LRP2: variants seen among roughly 807,000 people sequenced by gnomAD.
LRP2 encodes the protein low-density lipoprotein receptor-related protein 2.
A neutral mutation model predicts 531.0 loss-of-function variants in LRP2; 172 were observed. The observed-to-expected ratio is 0.32, with a 90% confidence interval of 0.29 to 0.37. The LOEUF (loss-of-function observed/expected upper bound fraction) is 0.37, where lower values mean the gene tolerates loss of function less well. LRP2 is among the 10% of genes least tolerant of loss of function. LRP2 has a pLI of 1.00. For missense variants in LRP2, 5,167 were observed against 5,868.3 expected, an observed-to-expected ratio of 0.88 and a Z score of 3.90; for synonymous variants, 1,992 against 2,027.6, an observed-to-expected ratio of 0.98 and a Z score of 0.47.
rs149675661 is a variant in LRP2 at position 169,204,266 on chromosome 2, C to T, written c.7721G>A (p.Arg2574Lys). ...LLYWVDASLQRIERSTLTGVD... is the reference protein window; with the variant it reads ...LLYWVDASLQKIERSTLTGVD... ...GCCCGTCAGAGTGCTGCGTTCAATCCTCTGCCTAAAATGAAGCAAAAAAAA... is the reference window on the plus strand; with the variant it reads ...GCCCGTCAGAGTGCTGCGTTCAATCTTCTGCCTAAAATGAAGCAAAAAAAA... Residue 2574 changes from arginine (R) to lysine (K), a missense_variant, in exon 42 of 79, where the codon AGG (arginine) becomes AAG (lysine). Physicochemically the swap from Arg to Lys is conservative, Grantham distance 26. Transcript: ENST00000649046. The T allele has an allele frequency of 6.2e-7, 1 of 1,612,518 alleles. No homozygotes were observed. The highest frequency in any genetic ancestry group is 8.5e-7 in the Non-Finnish European group (1 of 1,179,978).
chr2:169,129,095 AG>A lies in LRP2; in HGVS notation c.13729-12del, dbSNP rs1182211218. ...ATTCCATTTTGTCACCTAAATGAAA[AG>A]GGGAAAACAAAAACCTCTCAGTAAT... On this transcript the variant is annotated splice_polypyrimidine_tract_variant and intron_variant, in intron 77 of 78. Coordinates refer to ENST00000649046, the MANE Select transcript of LRP2 (RefSeq NM_004525.3). 5 of 1,568,188 alleles carry A rather than the reference AG, an allele frequency of 3.2e-6. No homozygotes were observed. The African/African-American group carries it at 6.8e-5, about 21-fold the overall frequency.
intron 52 of LRP2, among the ~76,000 whole-genome samples, chr2:169,180,681 A>T (rs570793553): frequency 6.6e-6 from 1 of 152,206 alleles, no homozygotes; most frequent in Non-Finnish European, 1.5e-5. Flanking sequence ...AAAATAAAAT[A>T]AAAAAATTTG....
At chr2:169,223,985 G>T (rs1316677788) in intron 33 of LRP2, among the ~76,000 whole-genome samples, 1 of 152,074 alleles carries the variant, frequency 6.6e-6, no homozygotes, top group East Asian at 1.9e-4. Context: ...TCTTCATTTG[G>T]CAGAAATAAA....
At chr2:169,261,104 A>C (rs1292905488) in intron 16 of LRP2, among the ~76,000 whole-genome samples, 2 of 152,188 alleles carry the variant, frequency 1.3e-5, no homozygotes, top group East Asian at 3.9e-4. Flanking sequence ...AGGAAAGTGC[A>C]AAACAACCTT....
At chr2:169,346,605 G>A (rs1002540425) in intron 1 of LRP2, among the ~76,000 whole-genome samples, 1 of 152,196 alleles carries the variant, frequency 6.6e-6, no homozygotes, top group East Asian at 1.9e-4. Flanking sequence ...TCAGGAGGCT[G>A]AGGCAGGAGG....
rs1685605726 is a variant in LRP2, at chr2:169,138,681, C to T, written c.13414G>A (p.Glu4472Lys). ...CTGAAGGTCACCCCATTCCCATTTTCAGAGGGCTTGACGAGACTGCTTAAG... is the reference window on the plus strand; with the variant it reads ...CTGAAGGTCACCCCATTCCCATTTTTAGAGGGCTTGACGAGACTGCTTAAG... ...PSLSSLVKPS[E>K]NGNGVTFRSG... Residue 4472 changes from glutamate to lysine, a missense_variant, in exon 75 of 79, where the codon GAA becomes AAA. By Grantham distance (56) the Glu-to-Lys change is moderately conservative. This residue lies in a region of LRP2 where 348 missense variants were observed against 369.3 expected (regional missense o/e 0.94). Transcript: ENST00000649046. The T allele has an allele frequency of 6.2e-7, 1 of 1,614,046 alleles. No homozygotes were observed. The highest frequency in any genetic ancestry group is 8.5e-7 in the Non-Finnish European group (1 of 1,179,936).
At position 169,327,671 on chromosome 2, in the gene LRP2, C is replaced by CT. The variant is rs1419684275; in HGVS notation, c.80-6788_80-6787insA. 6.6e-5 allele frequency among the ~76,000 whole-genome samples: 7 copies of CT among 106,596 alleles called. 2 individuals carry two copies. Among genetic ancestry groups the CT allele is most frequent in the African/African-American group, 2.7e-4 (7 of 25,842 alleles). 69.9% of individuals were successfully genotyped at this position (106,596 alleles called of 152,430 possible). A position where few individuals can be genotyped will look rare whatever the true frequency, so the allele number is the denominator to read the frequency against. ...CCGGGAGGGAGGTGGGGGGCTCAGC[C>CT]CCCTCCCGGCCAGCCGACCCATCCG... is the stretch of plus-strand genomic sequence containing the variant. On this transcript the variant is annotated intron_variant, in intron 1 of 78. Coordinates refer to ENST00000649046, the MANE Select transcript of LRP2 (RefSeq NM_004525.3).
At position 169,128,416 on chromosome 2, in the gene LRP2, T is replaced by C. The variant is rs1375374013; in HGVS notation, c.*247A>G. 8.0e-6 allele frequency: 3 copies of C among 376,624 alleles called. No homozygotes were observed. Among genetic ancestry groups the C allele is most frequent in the Non-Finnish European group, 1.5e-5 (3 of 205,418 alleles). 23.3% of individuals were successfully genotyped at this position (376,624 alleles called of 1,614,324 possible). A position where few individuals can be genotyped will look rare whatever the true frequency, so the allele number is the denominator to read the frequency against. ...CTTTCCAAAATTTACAAATATACAATATATTTATAGTATTACCTTCAGACA... is the reference window on the plus strand; with the variant it reads ...CTTTCCAAAATTTACAAATATACAACATATTTATAGTATTACCTTCAGACA... On this transcript the variant is annotated 3_prime_UTR_variant, in exon 79 of 79. Transcript: ENST00000649046.
At chr2:169,129,356 C>CA (rs1685203822) in intron 77 of LRP2, among the ~76,000 whole-genome samples, 1 of 152,152 alleles carries the variant, frequency 6.6e-6, no homozygotes, top group Non-Finnish European at 1.5e-5. Context: ...ATAGTATCTA[C>CA]AAGCAAATCA....
Position 169,291,015 on chromosome 2 carries a change from G to A in LRP2, c.770-18C>T, listed in dbSNP as rs1683985638. On this transcript the variant is annotated intron_variant, in intron 7 of 78. Coordinates refer to ENST00000649046, the MANE Select transcript of LRP2 (RefSeq NM_004525.3). ...ACCGCTTTCTGTGGGGGGAAAAAGAGAGAGTTACAGGCCATAGGGGAGGTA... is the reference window on the plus strand; with the variant it reads ...ACCGCTTTCTGTGGGGGGAAAAAGAAAGAGTTACAGGCCATAGGGGAGGTA... 2 of 1,613,496 alleles carry A rather than the reference G, an allele frequency of 1.2e-6. No homozygotes were observed. The highest frequency in any genetic ancestry group is 1.7e-6 in the Non-Finnish European group (2 of 1,179,540).
At chr2:169,286,746 A>G (rs1683869693) in intron 9 of LRP2, among the ~76,000 whole-genome samples, 1 of 152,206 alleles carries the variant, frequency 6.6e-6, no homozygotes, top group South Asian at 2.1e-4. Flanking sequence ...ATTCTGAAAG[A>G]ACAAATCACT....
intron 3 of LRP2, among the ~76,000 whole-genome samples, chr2:169,315,835 A>G (rs1684743220): frequency 6.6e-6 from 1 of 151,970 alleles, no homozygotes; most frequent in African/African-American, 2.4e-5. Context: ...GCAGAAATAA[A>G]GAGATGGGTC....
chr2:169,162,010 A>G (rs1686605696), intron 63 of LRP2, among the ~76,000 whole-genome samples: 1 of 152,170 alleles, frequency 6.6e-6, no homozygotes, highest in African/African-American at 2.4e-5. Context: ...CATCATTTAC[A>G]TTAGGTATTT....
At chr2:169,244,953 T>C in intron 21 of LRP2, 21 bp from the exon 22 acceptor site, 2 of 1,614,052 alleles carry the variant, frequency 1.2e-6, no homozygotes, top group Non-Finnish European at 8.5e-7. Context: ...AACAAACTGG[T>C]CATGAAGACA....
intron 15 of LRP2, 104 bp from the exon 16 acceptor site, chr2:169,271,211 T>C (rs1034373999): frequency 4.2e-6 from 3 of 716,750 alleles, no homozygotes; most frequent in African/African-American, 1.8e-5. Flanking sequence ...AATTATAAAA[T>C]ATAATTCTGA....
intron 3 of LRP2, among the ~76,000 whole-genome samples, chr2:169,315,807 G>C (rs556752568): frequency 7.2e-4 from 109 of 152,126 alleles, no homozygotes; most frequent in African/African-American, 2.1e-3. Context: ...ACCCAAATGA[G>C]AGATGTTGGC....
At chr2:169,334,412 A>G (rs1685347086) in intron 1 of LRP2, among the ~76,000 whole-genome samples, 1 of 152,242 alleles carries the variant, frequency 6.6e-6, no homozygotes, top group Non-Finnish European at 1.5e-5. Context: ...TTGGTCAAGA[A>G]TAGAGTTTTC....
rs577174294 is a variant in LRP2, at chr2:169,312,285, T to G, written c.311-4888A>C. Among the ~76,000 whole-genome samples, 67 of 152,178 alleles carry G rather than the reference T, an allele frequency of 4.4e-4. No homozygotes were observed. In the East Asian group the frequency reaches 6.6e-3, roughly 15 times the overall value. ...TATTTTGCTCGTTAGTTGATGCAGT[T>G]TCTTCCTAGCCTTGATGGTCTTTAG... is the stretch of plus-strand genomic sequence containing the variant. On this transcript the variant is annotated intron_variant, in intron 3 of 78. Transcript: ENST00000649046.
intron 68 of LRP2, 124 bp from the exon 69 acceptor site, chr2:169,147,083 C>T (rs182398496): frequency 2.6e-6 from 2 of 756,226 alleles, no homozygotes; most frequent in Admixed American, 2.1e-5. Context: ...TGCTCAGTGA[C>T]ACCAGTTTTA....
Sources: gnomAD v4.1 joint callset for allele counts (sites outside exome capture counted in the v4.1 genomes callset) on GRCh38, gnomAD v4.1.1 for gene constraint, gnomAD v4.1.1 regional missense constraint, MANE v1.5 for transcripts, NCBI Gene and HGNC (gene_info 2026-07-23, HGNC 2026-07-21) for gene names.